Variants in CCDC86 observed in about 807,000 individuals in gnomAD.
CCDC86 encodes the protein coiled-coil domain containing 86.
CCDC86 carries 28 observed loss-of-function variants against 36.7 expected under a neutral mutation model. That is an observed-to-expected ratio of 0.76 (90% CI 0.57 to 1.05). The LOEUF (loss-of-function observed/expected upper bound fraction) is 1.05, where lower values mean the gene tolerates loss of function less well. Ranked by LOEUF, CCDC86 falls within the 50% of genes least tolerant of loss-of-function variation. The probability of loss-of-function intolerance (pLI) is 0.00; values close to 1 mark genes in which losing one functional copy is unlikely to be tolerated. For synonymous variants in CCDC86, 199 were observed against 203.4 expected (o/e 0.98, Z 0.18); for missense variants, 453 against 470.2 (o/e 0.96, Z 0.34).
At chr11:60,847,281 G>C (rs979910551) in intron 1 of CCDC86, among the ~76,000 whole-genome samples, 3 of 152,012 alleles carry the variant, frequency 2.0e-5, no homozygotes, top group African/African-American at 7.2e-5. Flanking sequence ...ACTTTAGTAG[G>C]TTTTAGTAGG....
Position 60,842,313 on chromosome 11 carries a change from G to T in CCDC86, c.189G>T (p.Pro63=), listed in dbSNP as rs374182614. ...RAGLGSPERP[P]KTSPGSPRLQ... ...GCCTGGGGTCCCCCGAAAGGCCGCC[G>T]AAGACAAGCCCAGGATCACCCCGTC... Residue 63 remains proline, a synonymous_variant, in exon 1 of 4, where the codon CCG becomes CCT. Transcript: ENST00000227520. The T allele has an allele frequency of 5.0e-6, 8 of 1,613,574 alleles. No homozygotes were observed. The African/African-American group carries it at 9.3e-5, about 19-fold the overall frequency.
intron 1 of CCDC86, among the ~76,000 whole-genome samples, chr11:60,845,573 T>C (rs1261911161): frequency 1.3e-5 from 2 of 152,232 alleles, no homozygotes. Flanking sequence ...AAGCAGCTCC[T>C]GCTGCAGGGA....
At chr11:60,843,177 C>T (rs1004418974) in intron 1 of CCDC86, among the ~76,000 whole-genome samples, 13 of 152,226 alleles carry the variant, frequency 8.5e-5, no homozygotes, top group Non-Finnish European at 1.2e-4. Flanking sequence ...TTACCGTTGT[C>T]TGCCCTCTCT....
intron 1 of CCDC86, among the ~76,000 whole-genome samples, chr11:60,845,271 C>G (rs1020505628): frequency 3.3e-5 from 5 of 152,166 alleles, no homozygotes; most frequent in Non-Finnish European, 7.4e-5. Context: ...CCTGGTGACC[C>G]TTACAGGGAC....
In CCDC86 at chr11:60,842,569, G is replaced by A. The variant is rs1565095187; in HGVS notation, c.445G>A (p.Ala149Thr). The change falls in exon 1 of 4, where the codon GCC becomes ACC. Residue 149 changes from alanine (A) to threonine (T), a missense_variant. Physicochemically the swap from Ala to Thr is moderately conservative, Grantham distance 58 (BLOSUM62 0). Coordinates refer to ENST00000227520, the MANE Select transcript of CCDC86 (RefSeq NM_024098.4). ...AQNKEELTPGAPQHQLPPVPG... is the reference protein window; with the variant it reads ...AQNKEELTPGTPQHQLPPVPG... ...GAATAAGGAGGAGCTGACCCCGGGG[G>A]CCCCCCAGCATCAGCTACCGCCGGT... The A allele has an allele frequency of 6.2e-7, 1 of 1,612,894 alleles. No individual in the cohort carries two copies. Among genetic ancestry groups the A allele is most frequent in the African/African-American group, 1.3e-5 (1 of 74,976 alleles).
At chr11:60,844,333 C>T (rs975053626) in intron 1 of CCDC86, among the ~76,000 whole-genome samples, 9 of 152,170 alleles carry the variant, frequency 5.9e-5, no homozygotes, top group Admixed American at 3.9e-4. Flanking sequence ...ACTGCAGACC[C>T]GTCCTGACTC....
Position 60,843,056 on chromosome 11 carries a change from G to T in CCDC86, c.758+174G>T, listed in dbSNP as rs1384575617. On this transcript the variant is annotated intron_variant, in intron 1 of 3. Transcript: ENST00000227520. ...TGTGGTAAAATGCCCTGGGATCCCG[G>T]AGAGGGTGGGGCCAGGCCCTCAAAG... 8.7e-6 allele frequency: 8 copies of T among 924,446 alleles called. No homozygotes were observed. In the East Asian group the frequency reaches 2.3e-4, roughly 27 times the overall value. 57.3% of individuals were successfully genotyped at this position (924,446 alleles called of 1,614,324 possible).
At position 60,848,029 on chromosome 11, in the gene CCDC86, G is replaced by A; in HGVS notation, c.864G>A (p.Glu288=). 5 of 1,613,484 alleles carry A rather than the reference G, an allele frequency of 3.1e-6. No homozygotes were observed. The highest frequency in any genetic ancestry group is 1.1e-5 in the South Asian group (1 of 91,030). Residue 288 remains glutamate (E), a synonymous_variant, in exon 2 of 4, where the codon GAG becomes GAA. Transcript: ENST00000227520. The part of the protein sequence containing the change: ...KLAKDFARHL[E]EEKERRRQEK... The stretch of plus-strand genomic sequence containing the variant: ...CCAAGGACTTTGCCCGTCACCTGGA[G>A]GAGGAGAAGGAGAGGCGCCGCCAGG...
In CCDC86 at chr11:60,842,493, G is replaced by A; in HGVS notation, c.369G>A (p.Glu123=). The A allele has an allele frequency of 1.2e-6, 2 of 1,613,760 alleles. No homozygotes were observed. The highest frequency in any genetic ancestry group is 1.1e-5 in the South Asian group (1 of 91,086). The change falls in exon 1 of 4, where the codon GAG becomes GAA. Residue 123 remains glutamate (E), a synonymous_variant. Transcript: ENST00000227520. ...SPRCQPKPSE[E]APKCSQDQGV... ...GATGTCAGCCGAAGCCAAGTGAGGA[G>A]GCACCAAAGTGTTCTCAGGACCAGG...
intron 2 of CCDC86, 62 bp from the exon 3 acceptor site, chr11:60,849,878 G>T (rs1590575321): frequency 2.1e-6 from 3 of 1,400,262 alleles, no homozygotes; most frequent in Non-Finnish European, 3.0e-6. Flanking sequence ...CTCTTCTGGG[G>T]CCTGAGAGAC....
In CCDC86 at chr11:60,850,562, C is replaced by T. The variant is rs911786831; in HGVS notation, c.*237C>T. The T allele has an allele frequency of 5.6e-6, 3 of 534,576 alleles. No individual in the cohort carries two copies. Among genetic ancestry groups the T allele is most frequent in the Admixed American group, 3.4e-5 (1 of 29,484 alleles). 33.1% of individuals were successfully genotyped at this position (534,576 alleles called of 1,614,324 possible). A position where few individuals can be genotyped will look rare whatever the true frequency, so the allele number is the denominator to read the frequency against. ...GATGGGGGCGGGAAGAGATTCAGCT[C>T]CCATCCCTCCTTCCTCTCCTTCTCC... On this transcript the variant is annotated 3_prime_UTR_variant, in exon 4 of 4. Coordinates refer to ENST00000227520, the MANE Select transcript of CCDC86 (RefSeq NM_024098.4).
At chr11:60,849,641 C>G (rs1195875462) in intron 2 of CCDC86, among the ~76,000 whole-genome samples, 1 of 152,212 alleles carries the variant, frequency 6.6e-6, no homozygotes, top group Non-Finnish European at 1.5e-5. Flanking sequence ...GGGTCACTGT[C>G]TGCATGTGCG....
chr11:60,850,296 C>T lies in CCDC86; in HGVS notation c.1054C>T (p.Pro352Ser), dbSNP rs1418330457. 2 of 1,613,946 alleles carry T rather than the reference C, an allele frequency of 1.2e-6. No individual in the cohort carries two copies. Among genetic ancestry groups the T allele is most frequent in the East Asian group, 4.5e-5 (2 of 44,892 alleles). The change falls in exon 4 of 4, where the codon CCG becomes TCG. Residue 352 changes from proline (P) to serine (S), a missense_variant. Physicochemically the swap from Pro to Ser is moderately conservative, Grantham distance 74. Coordinates refer to ENST00000227520, the MANE Select transcript of CCDC86 (RefSeq NM_024098.4). Reference sequence around the variant, plus strand: ...CACCCTGGCCCTGCTGCAGAAGCAGCCGCCCCAGCAGCCGGCAGCCAAGAT... The same window carrying T: ...CACCCTGGCCCTGCTGCAGAAGCAGTCGCCCCAGCAGCCGGCAGCCAAGAT... ...RDTLALLQKQ[P>S]PQQPAAKI
intron 1 of CCDC86, among the ~76,000 whole-genome samples, chr11:60,846,574 T>C (rs1855185188): frequency 6.6e-6 from 1 of 152,196 alleles, no homozygotes; most frequent in Non-Finnish European, 1.5e-5. Flanking sequence ...TTTTTCTTTT[T>C]TTCTTTTTTT....
intron 1 of CCDC86, among the ~76,000 whole-genome samples, chr11:60,845,672 C>T (rs1855175187): frequency 6.6e-6 from 1 of 152,252 alleles, no homozygotes; most frequent in Admixed American, 6.5e-5. Context: ...GCCACTTTCT[C>T]CATAGTGCCC....
chr11:60,845,788 C>T (rs796188894), intron 1 of CCDC86, among the ~76,000 whole-genome samples: 7 of 152,292 alleles, frequency 4.6e-5, no homozygotes, highest in East Asian at 3.9e-4. Context: ...GAATGATTCT[C>T]ATCTCCACTG....
At chr11:60,844,119 G>A (rs767163365) in intron 1 of CCDC86, among the ~76,000 whole-genome samples, 1 of 152,172 alleles carries the variant, frequency 6.6e-6, no homozygotes, top group Non-Finnish European at 1.5e-5. Context: ...CAAGTTGAGC[G>A]GGTGAAGCTT....
intron 1 of CCDC86, chr11:60,847,434 C>G (rs1257952219): frequency 6.5e-6 from 1 of 152,734 alleles, no homozygotes; most frequent in Non-Finnish European, 1.5e-5. Context: ...GAATCATTAC[C>G]CAGAACTTTA....
At position 60,842,729 on chromosome 11, in the gene CCDC86, G is replaced by C. The variant is rs780851635; in HGVS notation, c.605G>C (p.Gly202Ala). 8 of 1,613,610 alleles carry C rather than the reference G, an allele frequency of 5.0e-6. No individual in the cohort carries two copies. In the African/African-American group the frequency reaches 1.1e-4, roughly 22 times the overall value. Reference sequence around the variant, plus strand: ...GAGCCGAGCAAGCCACCTCCAGCTGGGGAGACGGTGACAGGCGGCTTCGGG... The same window carrying C: ...GAGCCGAGCAAGCCACCTCCAGCTGCGGAGACGGTGACAGGCGGCTTCGGG... ...QHEPSKPPPA[G>A]ETVTGGFGAK... Residue 202 changes from glycine (G) to alanine (A), a missense_variant, in exon 1 of 4, where the codon GGG becomes GCG. Gly to Ala is a moderately conservative substitution (Grantham distance 60). Coordinates refer to ENST00000227520, the MANE Select transcript of CCDC86 (RefSeq NM_024098.4).
Sources: gnomAD v4.1 joint callset for allele counts (sites outside exome capture counted in the v4.1 genomes callset) on GRCh38, gnomAD v4.1.1 for gene constraint, MANE v1.5 for transcripts, NCBI Gene and HGNC (gene_info 2026-07-23, HGNC 2026-07-21) for gene names.